PTPN2: variants seen among roughly 807,000 people sequenced by gnomAD.
PTPN2 encodes protein tyrosine phosphatase non-receptor type 2.
PTPN2 carries 19 observed loss-of-function variants against 57.3 expected under a neutral mutation model. That is an observed-to-expected ratio of 0.33 (90% CI 0.23 to 0.49). The LOEUF (loss-of-function observed/expected upper bound fraction) is 0.49, where lower values mean the gene tolerates loss of function less well. Ranked by LOEUF, PTPN2 falls within the 20% of genes least tolerant of loss-of-function variation. PTPN2 has a pLI of 0.99. For synonymous variants in PTPN2, 153 were observed against 164.9 expected (o/e 0.93, Z 0.55); for missense variants, 358 against 501.1 (o/e 0.71, Z 2.73).
At chr18:12,787,636 G>A (rs558409162), downstream of PTPN2, 7 of 152,172 alleles carry the variant, frequency 4.6e-5, no homozygotes, top group African/African-American at 1.7e-4. Context: ...GGGTGGGGGG[G>A]TAAGAAAATA....
intron 7 of PTPN2, among the ~76,000 whole-genome samples, chr18:12,807,056 G>C (rs549907548): frequency 3.0e-4 from 46 of 152,136 alleles, no homozygotes; most frequent in Non-Finnish European, 5.9e-4. Flanking sequence ...TTAATATCCA[G>C]AATATATAAG....
intron 2 of PTPN2, among the ~76,000 whole-genome samples, chr18:12,855,302 T>C (rs796816180): frequency 3.7e-4 from 56 of 152,086 alleles, no homozygotes; most frequent in African/African-American, 1.3e-3. Context: ...TGGGGTAGGA[T>C]ATAAGGGTTG....
chr18:12,820,823 G>A (rs1380721474), intron 5 of PTPN2, among the ~76,000 whole-genome samples: 2 of 152,196 alleles, frequency 1.3e-5, no homozygotes, highest in Non-Finnish European at 2.9e-5. Flanking sequence ...TGCACAAAAT[G>A]TCAGTGGCTT....
intron 6 of PTPN2, among the ~76,000 whole-genome samples, chr18:12,815,887 C>T (rs939270920): frequency 1.3e-5 from 2 of 152,204 alleles, no homozygotes; most frequent in Non-Finnish European, 2.9e-5. Flanking sequence ...ACCTGGGAAT[C>T]TACTTTGTGC....
chr18:12,841,043 G>A, intron 2 of PTPN2: 1 of 1,318,228 alleles, frequency 7.6e-7, no homozygotes, highest in Non-Finnish European at 1.0e-6. Flanking sequence ...TTATTTGTTT[G>A]AAGCTTTTAA....
chr18:12,883,397 G>A (rs1198926537), intron 1 of PTPN2, among the ~76,000 whole-genome samples: 6 of 152,188 alleles, frequency 3.9e-5, no homozygotes, highest in African/African-American at 9.6e-5. Context: ...AAGACGGAGG[G>A]TCCCGAGAGC....
Position 12,825,800 on chromosome 18 carries a change from A to T in PTPN2, c.495+10T>A, listed in dbSNP as rs1414441110. 1 of 1,594,802 alleles carries T rather than the reference A, an allele frequency of 6.3e-7. No homozygotes were observed. The highest frequency in any genetic ancestry group is 8.5e-7 in the Non-Finnish European group (1 of 1,171,798). On this transcript the variant is annotated intron_variant, in intron 5 of 8. Coordinates refer to ENST00000309660, the MANE Select transcript of PTPN2 (RefSeq NM_002828.4). Reference sequence around the variant, plus strand: ...ATAAAGTCCACAATTTCGGGCAAGAAAGGTCTTACATTGATATTTTCTAAT... The same window carrying T: ...ATAAAGTCCACAATTTCGGGCAAGATAGGTCTTACATTGATATTTTCTAAT...
At chr18:12,861,277 G>A (rs2043800504) in intron 1 of PTPN2, among the ~76,000 whole-genome samples, 1 of 152,228 alleles carries the variant, frequency 6.6e-6, no homozygotes, top group Non-Finnish European at 1.5e-5. Context: ...ACGTGGAAGA[G>A]AAATTTAATT....
chr18:12,859,060 T>A, intron 2 of PTPN2, 104 bp downstream of exon 2: 2 of 714,882 alleles, frequency 2.8e-6, no homozygotes, highest in Non-Finnish European at 4.5e-6. Flanking sequence ...AGGAAAAAAA[T>A]TACTGTATTT....
chr18:12,805,646 T>TC (rs2041620404), intron 7 of PTPN2, among the ~76,000 whole-genome samples: 1 of 150,490 alleles, frequency 6.6e-6, no homozygotes, highest in African/African-American at 2.4e-5. Context: ...TTTCTTTTTT[T>TC]TTTTTTTTTT....
intron 2 of PTPN2, among the ~76,000 whole-genome samples, chr18:12,841,778 AC>A (rs2145415798): frequency 6.6e-6 from 1 of 152,352 alleles, no homozygotes; most frequent in Non-Finnish European, 1.5e-5. Context: ...TGAAAAGAAT[AC>A]CTGAGAAATG....
At chr18:12,840,586 G>A in intron 2 of PTPN2, 3 of 1,069,324 alleles carry the variant, frequency 2.8e-6, no homozygotes, top group Non-Finnish European at 2.7e-6. Context: ...AGTCCTCACA[G>A]CCCTATGAAG....
chr18:12,848,899 T>A (rs185246347), intron 2 of PTPN2, among the ~76,000 whole-genome samples: 2 of 152,352 alleles, frequency 1.3e-5, no homozygotes, highest in East Asian at 3.9e-4. Flanking sequence ...AGTGGCCTCA[T>A]AAACAGATTA....
intron 5 of PTPN2, 113 bp downstream of exon 5, chr18:12,825,697 T>A (rs528722005): frequency 5.3e-6 from 5 of 949,378 alleles, no homozygotes. Context: ...TATGGCTAGA[T>A]ACTATAGGAA....
At chr18:12,800,853 C>T (rs1236512088) in intron 8 of PTPN2, among the ~76,000 whole-genome samples, 1 of 152,188 alleles carries the variant, frequency 6.6e-6, no homozygotes, top group South Asian at 2.1e-4. Flanking sequence ...TTATCAGCTT[C>T]CTAATCTGTG....
chr18:12,874,927 T>G (rs2044435501), intron 1 of PTPN2, among the ~76,000 whole-genome samples: 1 of 152,146 alleles, frequency 6.6e-6, no homozygotes, highest in Non-Finnish European at 1.5e-5. Flanking sequence ...TGGAAAGAAG[T>G]AGACATGGGA....
chr18:12,809,266 G>A (rs2041808894), intron 7 of PTPN2, among the ~76,000 whole-genome samples: 1 of 152,104 alleles, frequency 6.6e-6, no homozygotes, highest in Non-Finnish European at 1.5e-5. Flanking sequence ...TTAATGAGAT[G>A]GCATGTGAAG....
At chr18:12,849,484 G>A (rs1394526074) in intron 2 of PTPN2, among the ~76,000 whole-genome samples, 11 of 152,122 alleles carry the variant, frequency 7.2e-5, no homozygotes, top group Admixed American at 3.9e-4. Context: ...GCTTGAACCC[G>A]GGAGGTGGAG....
intron 8 of PTPN2, among the ~76,000 whole-genome samples, chr18:12,797,556 G>C (rs1175623669): frequency 6.6e-6 from 1 of 152,108 alleles, no homozygotes; most frequent in African/African-American, 2.4e-5. Context: ...GAATGGACTA[G>C]AGACAAATAC....
Sources: allele counts gnomAD v4.1 joint callset (sites outside exome capture counted in the v4.1 genomes callset), GRCh38; gene constraint gnomAD v4.1.1; transcripts MANE v1.5; gene names NCBI Gene and HGNC (gene_info 2026-07-23, HGNC 2026-07-21).